Variants in FFAR4 observed in about 807,000 individuals in gnomAD.
FFAR4 encodes the protein G-protein coupled receptor 120.
A neutral mutation model predicts 27.0 loss-of-function variants in FFAR4; 19 were observed. The observed-to-expected ratio is 0.70, with a 90% CI of 0.49 to 1.03. The LOEUF is 1.03. FFAR4 is among the 50% of genes least tolerant of loss of function. FFAR4 has a pLI of 0.00. For missense variants in FFAR4, 476 were observed against 479.0 expected (o/e 0.99, Z 0.06); for synonymous variants, 254 against 215.6 (o/e 1.18, Z -1.56).
At chr10:93,584,487 T>G (rs2058216202) in intron 2 of FFAR4, among the ~76,000 whole-genome samples, 1 of 152,168 alleles carries the variant, frequency 6.6e-6, no homozygotes, top group African/African-American at 2.4e-5. Context: ...AGAGTAGGTA[T>G]GAAGATTAAA....
rs1206886401 is a variant in FFAR4 at position 93,587,443 on chromosome 10, T to A, written c.920T>A (p.Val307Glu). ...VIWPSLFFWVVAFTFANSALN... is the reference protein window; with the variant it reads ...VIWPSLFFWVEAFTFANSALN... ...TGGCCGTCCCTCTTCTTCTGGGTGGTGGCCTTCACATTTGCTAATTCAGCC... is the reference window on the plus strand; with the variant it reads ...TGGCCGTCCCTCTTCTTCTGGGTGGAGGCCTTCACATTTGCTAATTCAGCC... Residue 307 changes from valine to glutamate, a missense_variant, in exon 3 of 3, where the codon GTG becomes GAG. By Grantham distance (121) the Val-to-Glu change is moderately radical. Coordinates refer to ENST00000371481, the MANE Select transcript of FFAR4 (RefSeq NM_001195755.2). The A allele has an allele frequency of 6.2e-7, 1 of 1,614,004 alleles. No individual in the cohort carries two copies. Among genetic ancestry groups the A allele is most frequent in the Non-Finnish European group, 8.5e-7 (1 of 1,180,026 alleles).
intron 2 of FFAR4, among the ~76,000 whole-genome samples, chr10:93,577,028 A>G (rs2058168101): frequency 6.6e-6 from 1 of 152,164 alleles, no homozygotes; most frequent in African/African-American, 2.4e-5. Context: ...ACCCCCAGGG[A>G]ATGCCCATTT....
At chr10:93,574,438 G>A (rs865799286) in intron 1 of FFAR4, among the ~76,000 whole-genome samples, 3 of 152,124 alleles carry the variant, frequency 2.0e-5, no homozygotes, top group African/African-American at 4.8e-5. Context: ...CATTTCTTCC[G>A]ATTGATGCTT....
intron 2 of FFAR4, among the ~76,000 whole-genome samples, chr10:93,584,011 T>C (rs953034534): frequency 6.6e-6 from 1 of 152,220 alleles, no homozygotes; most frequent in Non-Finnish European, 1.5e-5. Flanking sequence ...AGCCTGTGCT[T>C]AGGCCTAGAG....
At position 93,588,551 on chromosome 10, in the gene FFAR4, C is replaced by T. The variant is rs1310874447; in HGVS notation, c.*942C>T. 3 of 152,170 alleles carry T rather than the reference C, an allele frequency of 2.0e-5. No homozygotes were observed. Among genetic ancestry groups the T allele is most frequent in the East Asian group, 3.8e-4 (2 of 5,200 alleles). The allele number at this position is 152,170 out of a possible 1,614,324, so 9.4% of individuals were successfully genotyped here. A position where few individuals can be genotyped will look rare whatever the true frequency, so the allele number is the denominator to read the frequency against. Reference sequence around the variant, plus strand: ...ATCCAGCAGAGATGCCTCTTAAGCACCAGCCATGGCAGACAGTGTCCTTTG... The same window carrying T: ...ATCCAGCAGAGATGCCTCTTAAGCATCAGCCATGGCAGACAGTGTCCTTTG... On this transcript the variant is annotated 3_prime_UTR_variant, in exon 3 of 3. Coordinates refer to ENST00000371481, the MANE Select transcript of FFAR4 (RefSeq NM_001195755.2).
At position 93,567,200 on chromosome 10, in the gene FFAR4, G is replaced by C. The variant is rs1389376290; in HGVS notation, c.480G>C (p.Ala160=). The change falls in exon 1 of 3, where the codon GCG becomes GCC. Residue 160 remains alanine (A), a synonymous_variant. Transcript: ENST00000371481. ...GGCGGGCGCGGGCAGTGCTGCTGGC[G>C]CTCATCTGGGGCTATTCGGCGGTCG... ...PGRRARAVLL[A]LIWGYSAVAA... 5 of 1,602,872 alleles carry C rather than the reference G, an allele frequency of 3.1e-6. 1 individual carries two copies. Among genetic ancestry groups the C allele is most frequent in the Non-Finnish European group, 2.5e-6 (3 of 1,179,316 alleles).
chr10:93,568,340 C>T (rs2058112496), intron 1 of FFAR4, among the ~76,000 whole-genome samples: 1 of 152,186 alleles, frequency 6.6e-6, no homozygotes, highest in South Asian at 2.1e-4. Flanking sequence ...GGGGCTCAGC[C>T]TCCAGGAGCT....
chr10:93,569,645 C>T (rs150148466), intron 1 of FFAR4, among the ~76,000 whole-genome samples: 174 of 151,982 alleles, frequency 1.1e-3, no homozygotes, highest in African/African-American at 3.8e-3. Flanking sequence ...GGGATTTGGG[C>T]AAAGCCACTG....
chr10:93,582,544 C>CAAA (rs56934747), intron 2 of FFAR4, among the ~76,000 whole-genome samples: 5 of 99,230 alleles, frequency 5.0e-5, no homozygotes, highest in Admixed American at 1.1e-4. Context: ...AACTCCATCT[C>CAAA]AAAAAAAAAA....
intron 1 of FFAR4, 94 bp from the exon 2 acceptor site, chr10:93,575,997 A>G: frequency 1.6e-6 from 2 of 1,271,576 alleles, no homozygotes; most frequent in Non-Finnish European, 2.3e-6. Context: ...GGGCAATGCA[A>G]CCGTGTAAGT....
rs148373996 is a variant in FFAR4, at chr10:93,589,833, G to C, written c.*2224G>C. 8 of 152,280 alleles carry C rather than the reference G, an allele frequency of 5.3e-5. No individual in the cohort carries two copies. Among genetic ancestry groups the C allele is most frequent in the Admixed American group, 1.3e-4 (2 of 15,292 alleles). 9.4% of individuals were successfully genotyped at this position (152,280 alleles called of 1,614,324 possible). A position where few individuals can be genotyped will look rare whatever the true frequency, so the allele number is the denominator to read the frequency against. On this transcript the variant is annotated 3_prime_UTR_variant, in exon 3 of 3. Coordinates refer to ENST00000371481, the MANE Select transcript of FFAR4 (RefSeq NM_001195755.2). The stretch of plus-strand genomic sequence containing the variant: ...GAACCCAGGGTCACTCCACCACTTG[G>C]AGGCTGGGCCAGTGGCTGGAATGCA...
chr10:93,581,121 T>C (rs574564416), intron 2 of FFAR4, among the ~76,000 whole-genome samples: 2 of 152,352 alleles, frequency 1.3e-5, no homozygotes, highest in African/African-American at 4.8e-5. Flanking sequence ...CCTTGCTTAT[T>C]GCTGTGTGTC....
At chr10:93,568,956 C>T (rs576858636) in intron 1 of FFAR4, among the ~76,000 whole-genome samples, 1 of 152,188 alleles carries the variant, frequency 6.6e-6, no homozygotes, top group South Asian at 2.1e-4. Flanking sequence ...CTGGTGGGTG[C>T]CATTTATGGG....
intron 1 of FFAR4, among the ~76,000 whole-genome samples, chr10:93,572,460 G>A (rs1039377800): frequency 4.6e-5 from 7 of 152,190 alleles, no homozygotes; most frequent in Non-Finnish European, 1.0e-4. Flanking sequence ...GACGGTGCTG[G>A]AAGCGTTGGC....
chr10:93,571,847 G>A (rs2058133670), intron 1 of FFAR4, among the ~76,000 whole-genome samples: 1 of 152,180 alleles, frequency 6.6e-6, no homozygotes. Flanking sequence ...TGAGACACAG[G>A]AACAAGGATC....
intron 2 of FFAR4, among the ~76,000 whole-genome samples, chr10:93,577,135 G>T (rs1053485605): frequency 6.6e-6 from 1 of 152,182 alleles, no homozygotes; most frequent in Non-Finnish European, 1.5e-5. Context: ...ATCTCGTAAG[G>T]TAGCCCATTT....
rs368620846 is a variant in FFAR4, at chr10:93,588,883, G to A, written c.*1274G>A. 9.8e-5 allele frequency: 15 copies of A among 152,312 alleles called. No homozygotes were observed. The highest frequency in any genetic ancestry group is 4.1e-4 in the South Asian group (2 of 4,828). 9.4% of individuals were successfully genotyped at this position (152,312 alleles called of 1,614,324 possible). On this transcript the variant is annotated 3_prime_UTR_variant, in exon 3 of 3. Transcript: ENST00000371481. ...AATAAATAGTATAGCATCACAGAGC[G>A]AATAAGCACTGTGAAGAAAATGGGA...
chr10:93,583,219 G>A (rs543490490), intron 2 of FFAR4, among the ~76,000 whole-genome samples: 6 of 147,580 alleles, frequency 4.1e-5, no homozygotes, highest in South Asian at 2.2e-4. Flanking sequence ...TGGCTAACAC[G>A]GTGAAACCCC....
At chr10:93,570,079 A>T (rs546224042) in intron 1 of FFAR4, among the ~76,000 whole-genome samples, 64 of 151,710 alleles carry the variant, frequency 4.2e-4, no homozygotes, top group South Asian at 1.0e-3. Context: ...AATTTTTTTT[A>T]AATTAAAAAA....
Sources: gnomAD v4.1 joint callset for allele counts (sites outside exome capture counted in the v4.1 genomes callset) on GRCh38, gnomAD v4.1.1 for gene constraint, MANE v1.5 for transcripts, NCBI Gene and HGNC (gene_info 2026-07-23, HGNC 2026-07-21) for gene names.